SNX3: variants seen among roughly 807,000 people sequenced by gnomAD.
SNX3 encodes the protein sorting nexin-3.
A neutral mutation model predicts 17.7 loss-of-function variants in SNX3; 5 were observed. The ratio of observed to expected loss-of-function variants is 0.28; its 90% confidence interval spans 0.15 to 0.59. The LOEUF (loss-of-function observed/expected upper bound fraction) is 0.59. Ranked by LOEUF, SNX3 falls within the 20% of genes least tolerant of loss-of-function variation. SNX3 has a pLI of 0.88. For synonymous variants in SNX3, 91 were observed against 76.5 expected (o/e 1.19, Z -0.99); for missense variants, 132 against 206.8 (o/e 0.64, Z 2.22).
At chr6:108,224,366 C>T (rs1217139581) in intron 1 of SNX3, among the ~76,000 whole-genome samples, 2 of 152,118 alleles carry the variant, frequency 1.3e-5, no homozygotes, top group Non-Finnish European at 2.9e-5. Context: ...CTGAGATCTC[C>T]GCCGCCTGGG....
At position 108,260,815 on chromosome 6, in the gene SNX3, G is replaced by T. The variant is rs1479110496; in HGVS notation, c.107C>A (p.Pro36Gln). 1 of 1,613,938 alleles carries T rather than the reference G, an allele frequency of 6.2e-7. No individual in the cohort carries two copies. Among genetic ancestry groups the T allele is most frequent in the Middle Eastern group, 1.6e-4 (1 of 6,062 alleles). The part of the protein sequence containing the change: ...SNFLEIDVSN[P>Q]QTVGVGRGRF... ...GCCCCGGCCGACCCCCACCGTTTGC[G>T]GGTTGCTCACATCGATCTCGAGGAA... is the stretch of plus-strand genomic sequence containing the variant. Residue 36 changes from proline (P) to glutamine (Q), a missense_variant, in exon 1 of 4, where the codon CCG becomes CAG. By Grantham distance (76) the Pro-to-Gln change is moderately conservative. Transcript: ENST00000230085.
At chr6:108,252,293 G>A (rs917495911) in intron 1 of SNX3, 2 of 156,008 alleles carry the variant, frequency 1.3e-5, no homozygotes, top group African/African-American at 4.8e-5. Flanking sequence ...AGGAAGACAA[G>A]GATTTCAAGC....
intron 1 of SNX3, among the ~76,000 whole-genome samples, chr6:108,224,243 G>A (rs2114718536): frequency 6.6e-6 from 1 of 152,176 alleles, no homozygotes; most frequent in Non-Finnish European, 1.5e-5. Flanking sequence ...AGCTGGGACT[G>A]CAGGGTCATA....
intron 2 of SNX3, 35 bp from the exon 3 acceptor site, chr6:108,214,657 T>G (rs765792115): frequency 6.3e-7 from 1 of 1,592,726 alleles, no homozygotes; most frequent in African/African-American, 1.4e-5. Flanking sequence ...TTGATCATGA[T>G]GACTGGGTTG....
intron 2 of SNX3, among the ~76,000 whole-genome samples, chr6:108,219,771 A>G (rs1299805090): frequency 6.6e-6 from 1 of 152,198 alleles, no homozygotes; most frequent in African/African-American, 2.4e-5. Flanking sequence ...CTATAAATAC[A>G]TGGGTCAAAC....
chr6:108,224,801 G>A (rs891453100), intron 1 of SNX3, among the ~76,000 whole-genome samples: 1 of 152,122 alleles, frequency 6.6e-6, no homozygotes, highest in Non-Finnish European at 1.5e-5. Flanking sequence ...CTTTAAAGGC[G>A]GAGGGCAAGT....
chr6:108,214,385 G>A (rs1562417157), intron 3 of SNX3, 113 bp downstream of exon 3: 1 of 1,003,242 alleles, frequency 1.0e-6, no homozygotes. Flanking sequence ...TAAATGATAT[G>A]AAAAGTTAGG....
At chr6:108,231,015 G>C (rs1396765283) in intron 1 of SNX3, among the ~76,000 whole-genome samples, 1 of 151,990 alleles carries the variant, frequency 6.6e-6, no homozygotes, top group Non-Finnish European at 1.5e-5. Context: ...CAAAAAAAGA[G>C]GGTCTCCCTG....
At chr6:108,225,355 T>C (rs1444510251) in intron 1 of SNX3, among the ~76,000 whole-genome samples, 1 of 152,156 alleles carries the variant, frequency 6.6e-6, no homozygotes, top group African/African-American at 2.4e-5. Flanking sequence ...TCCCAGCTCT[T>C]TGGGAGGCCG....
intron 2 of SNX3, among the ~76,000 whole-genome samples, chr6:108,218,358 A>C (rs1056493128): frequency 2.6e-5 from 4 of 152,242 alleles, no homozygotes; most frequent in Non-Finnish European, 5.9e-5. Flanking sequence ...AAACAGTAGG[A>C]TAGCTATAAT....
At chr6:108,215,207 G>A (rs1176949020) in intron 2 of SNX3, among the ~76,000 whole-genome samples, 5 of 152,036 alleles carry the variant, frequency 3.3e-5, no homozygotes, top group Admixed American at 1.3e-4. Context: ...AAAATGAGCC[G>A]GGCGTGGTGG....
intron 1 of SNX3, among the ~76,000 whole-genome samples, chr6:108,248,767 T>C (rs956783919): frequency 2.0e-5 from 3 of 152,044 alleles, no homozygotes; most frequent in African/African-American, 7.2e-5. Flanking sequence ...TTCCTTCCTT[T>C]CTTTTTTTTT....
intron 1 of SNX3, among the ~76,000 whole-genome samples, chr6:108,258,019 T>G (rs530970257): frequency 6.6e-6 from 1 of 152,250 alleles, no homozygotes; most frequent in Non-Finnish European, 1.5e-5. Context: ...TTTCATGCAT[T>G]AAAAACTCAA....
At chr6:108,225,107 T>C (rs903317515) in intron 1 of SNX3, among the ~76,000 whole-genome samples, 1 of 151,720 alleles carries the variant, frequency 6.6e-6, no homozygotes, top group Non-Finnish European at 1.5e-5. Context: ...AGGTGAAACC[T>C]CGTTTCTACT....
At chr6:108,246,383 G>GT in intron 1 of SNX3, among the ~76,000 whole-genome samples, 1 of 135,944 alleles carries the variant, frequency 7.4e-6, no homozygotes, top group Non-Finnish European at 1.5e-5. Context: ...AGACTACAGT[G>GT]GTGCAATCTC....
intron 1 of SNX3, among the ~76,000 whole-genome samples, chr6:108,252,869 C>T (rs1168080591): frequency 6.6e-6 from 1 of 151,990 alleles, no homozygotes; most frequent in East Asian, 1.9e-4. Context: ...AACTCCTGAT[C>T]TCGAGGGATC....
At chr6:108,237,838 C>A (rs1582493442) in intron 1 of SNX3, among the ~76,000 whole-genome samples, 1 of 150,714 alleles carries the variant, frequency 6.6e-6, no homozygotes, top group Non-Finnish European at 1.5e-5. Context: ...TGGCTTGTGT[C>A]TGTAATCCCA....
chr6:108,215,070 C>T (rs982368208), intron 2 of SNX3, among the ~76,000 whole-genome samples: 2 of 152,232 alleles, frequency 1.3e-5, no homozygotes, highest in African/African-American at 4.8e-5. Flanking sequence ...CTGGTTTCAG[C>T]CGGGCGTGGT....
chr6:108,259,175 A>C (rs957473956), intron 1 of SNX3, among the ~76,000 whole-genome samples: 1 of 152,220 alleles, frequency 6.6e-6, no homozygotes, highest in African/African-American at 2.4e-5. Flanking sequence ...GTAGTTCCCC[A>C]GGTGTACTGA....
Sources: gnomAD v4.1 joint callset for allele counts (sites outside exome capture counted in the v4.1 genomes callset) on GRCh38, gnomAD v4.1.1 for gene constraint, MANE v1.5 for transcripts, NCBI Gene and HGNC (gene_info 2026-07-23, HGNC 2026-07-21) for gene names.